LY6L: variants seen among roughly 807,000 people sequenced by gnomAD.
LY6L encodes lymphocyte antigen 6L.
Under a neutral mutation model 8.3 loss-of-function variants are expected in LY6L, and 8 were observed. That is an observed-to-expected ratio of 0.97 (90% CI 0.57 to 1.74). The LOEUF is 1.74. Among genes scored for constraint, LY6L ranks in the 40% most tolerant of loss-of-function variants. LY6L has a pLI of 0.00. For synonymous variants in LY6L, 79 were observed against 77.9 expected (o/e 1.01, Z -0.07); for missense variants, 156 against 183.8 (o/e 0.85, Z 0.87).
chr8:143,081,059 G>A lies in LY6L; in HGVS notation c.6G>A (p.Glu2=). The A allele has an allele frequency of 6.5e-7, 1 of 1,534,188 alleles. No homozygotes were observed. The highest frequency in any genetic ancestry group is 8.7e-7 in the Non-Finnish European group (1 of 1,145,768). Residue 2 remains glutamate (E), a synonymous_variant, in exon 2 of 4, where the codon GAG becomes GAA. Transcript: ENST00000562505. The part of the protein sequence containing the change: M[E]RLVLTLCTLP... ...AGGCTGAGCCTTCTGGCGTCATGGA[G>A]AGGCTCGTCCTAACCCTGTGCACCC...
Position 143,082,757 on chromosome 8 carries a change from C to A in LY6L, c.*106C>A. On this transcript the variant is annotated 3_prime_UTR_variant, in exon 4 of 4. Coordinates refer to ENST00000562505, the MANE Select transcript of LY6L (RefSeq NM_001368160.2). The stretch of plus-strand genomic sequence containing the variant: ...TTCCAGGACACTGGGGGGGGACCCT[C>A]CCTCTCTGAGGTGGTGGGGAGGGTG... 1 of 960,396 alleles carries A rather than the reference C, an allele frequency of 1.0e-6. No homozygotes were observed. Among genetic ancestry groups the A allele is most frequent in the South Asian group, 1.9e-5 (1 of 51,444 alleles). 59.5% of individuals were successfully genotyped at this position (960,396 alleles called of 1,614,324 possible). A position where few individuals can be genotyped will look rare whatever the true frequency, so the allele number is the denominator to read the frequency against.
At chr8:143,081,555 GACAA>G (rs1820432175) in intron 3 of LY6L, among the ~76,000 whole-genome samples, 1 of 152,214 alleles carries the variant, frequency 6.6e-6, no homozygotes, top group African/African-American at 2.4e-5. Flanking sequence ...CTGTCAGCAG[GACAA>G]AGGCTCTGAT....
rs755967563 is a variant in LY6L, at chr8:143,081,339, C to T, written c.190+12C>T. 22 of 1,472,396 alleles carry T rather than the reference C, an allele frequency of 1.5e-5. No individual in the cohort carries two copies. The highest frequency in any genetic ancestry group is 1.9e-5 in the Non-Finnish European group (21 of 1,100,554). 91.2% of individuals were successfully genotyped at this position (1,472,396 alleles called of 1,614,324 possible). On this transcript the variant is annotated intron_variant, in intron 3 of 3. Transcript: ENST00000562505. Reference sequence around the variant, plus strand: ...GGTCGTCTCTTTTAGTGAGTCCCCCCCGGGCAGAGGGCAGGTGCCAGGTGC... The same window carrying T: ...GGTCGTCTCTTTTAGTGAGTCCCCCTCGGGCAGAGGGCAGGTGCCAGGTGC...
In LY6L at chr8:143,081,066, G is replaced by A. The variant is rs532494134; in HGVS notation, c.13G>A (p.Val5Ile). The A allele has an allele frequency of 6.9e-4, 1,052 of 1,534,664 alleles. 7 individuals are homozygous for A. In the African/African-American group the frequency reaches 0.012, roughly 17 times the overall value. The change falls in exon 2 of 4, where the codon GTC becomes ATC. Residue 5 changes from valine (V) to isoleucine (I), a missense_variant. Coordinates refer to ENST00000562505, the MANE Select transcript of LY6L (RefSeq NM_001368160.2). ...GCCTTCTGGCGTCATGGAGAGGCTC[G>A]TCCTAACCCTGTGCACCCTCCCGCT... Reference protein sequence around the residue: MERLVLTLCTLPLAV... With the variant: MERLILTLCTLPLAV...
chr8:143,082,401 A>G (rs1316905094), intron 3 of LY6L, 24 bp from the exon 4 acceptor site: 1 of 1,505,880 alleles, frequency 6.6e-7, no homozygotes, highest in Non-Finnish European at 8.9e-7. Flanking sequence ...CTCTGGGGCC[A>G]CCTGCCTCTC....
Position 143,082,436 on chromosome 8 carries a change from C to A in LY6L, c.202C>A (p.Arg68Ser). The change falls in exon 4 of 4, where the codon CGC becomes AGC. Residue 68 changes from arginine (R) to serine (S), a missense_variant. Physicochemically the swap from Arg to Ser is moderately radical, Grantham distance 110. Coordinates refer to ENST00000562505, the MANE Select transcript of LY6L (RefSeq NM_001368160.2). The stretch of plus-strand genomic sequence containing the variant: ...CCTCTTTTCTGCAGAATGGAGTGTA[C>A]GCGTCCTGCTCAGCAAACGCTGTGC... Reference protein sequence around the residue: ...EVVVSFKWSVRVLLSKRCAPR... With the variant: ...EVVVSFKWSVSVLLSKRCAPR... 1 of 1,534,824 alleles carries A rather than the reference C, an allele frequency of 6.5e-7. No homozygotes were observed. Among genetic ancestry groups the A allele is most frequent in the Non-Finnish European group, 8.7e-7 (1 of 1,146,198 alleles).
chr8:143,083,182 G>A lies in LY6L; in HGVS notation c.*531G>A, dbSNP rs539928060. 6.7e-6 allele frequency among the ~76,000 whole-genome samples: 1 copy of A among 148,902 alleles called. No individual in the cohort carries two copies. The highest frequency in any genetic ancestry group is 2.5e-5 in the African/African-American group (1 of 39,698). On this transcript the variant is annotated 3_prime_UTR_variant, in exon 4 of 4. Transcript: ENST00000562505. ...GTGCCTCTGATGGGCAATGGGGAAG[G>A]ATGGTGCCTCCGGTGTTGGGTGATG...
rs1248996304 is a variant in LY6L at position 143,082,898 on chromosome 8, GTGGGTGATGGGAAGGACGGTGCCTCTGA to G, written c.*250_*277del. ...CCTGGGGAAGGACAGTGCCTCTGAT[GTGGGTGATGGGAAGGACGGTGCCTCTGA>G]TGTGGGTGATGGGAAGGACGGTGCC... On this transcript the variant is annotated 3_prime_UTR_variant, in exon 4 of 4. Transcript: ENST00000562505. 169 of 488,966 alleles carry G rather than the reference GTGGGTGATGGGAAGGACGGTGCCTCTGA, an allele frequency of 3.5e-4. No homozygotes were observed. The highest frequency in any genetic ancestry group is 6.3e-4 in the South Asian group (18 of 28,722). The allele number at this position is 488,966 out of a possible 1,614,324, so 30.3% of individuals were successfully genotyped here. A position where few individuals can be genotyped will look rare whatever the true frequency, so the allele number is the denominator to read the frequency against.
At chr8:143,081,904 AGTT>A (rs1236301779) in intron 3 of LY6L, among the ~76,000 whole-genome samples, 1 of 152,176 alleles carries the variant, frequency 6.6e-6, no homozygotes, top group Non-Finnish European at 1.5e-5. Flanking sequence ...TTTTCTCAAC[AGTT>A]TGGGTTTTGA....
Position 143,082,443 on chromosome 8 carries a change from T to G in LY6L, c.209T>G (p.Leu70Arg), listed in dbSNP as rs534084102. Residue 70 changes from leucine to arginine, a missense_variant, in exon 4 of 4, where the codon CTG (leucine) becomes CGG (arginine). Physicochemically the swap from Leu to Arg is moderately radical, Grantham distance 102 (BLOSUM62 -2). Transcript: ENST00000562505. ...TCTGCAGAATGGAGTGTACGCGTCC[T>G]GCTCAGCAAACGCTGTGCTCCCAGA... Reference protein sequence around the residue: ...VVSFKWSVRVLLSKRCAPRCP... With the variant: ...VVSFKWSVRVRLSKRCAPRCP... The G allele has an allele frequency of 3.3e-6, 5 of 1,535,352 alleles. No individual in the cohort carries two copies. In the African/African-American group the frequency reaches 6.8e-5, roughly 21 times the overall value.
At position 143,082,517 on chromosome 8, in the gene LY6L, CA is replaced by C. The variant is rs1820448793; in HGVS notation, c.285del (p.Gly96AlafsTer2). Reference protein sequence around the residue: ...KFEWSPAPMVQGVITRRCCSW... With the variant: ...KFEWSPAPMVXGVITRRCCSW... ...CGAATGGTCGCCGGCCCCCATGGTG[CA>C]AGGCGTGATCACCAGGCGCTGCTGT... On this transcript the variant is annotated frameshift_variant, in exon 4 of 4. Coordinates refer to ENST00000562505, the MANE Select transcript of LY6L (RefSeq NM_001368160.2). LOFTEE classifies it low-confidence loss of function (END_TRUNC). 4 of 1,535,486 alleles carry C rather than the reference CA, an allele frequency of 2.6e-6. No homozygotes were observed. The South Asian group carries it at 4.8e-5, about 18-fold the overall frequency.
chr8:143,081,365 C>A, intron 3 of LY6L, 38 bp downstream of exon 3: 1 of 1,322,078 alleles, frequency 7.6e-7, no homozygotes, highest in Non-Finnish European at 1.0e-6. Flanking sequence ...TGCCAGGTGC[C>A]GGGGAAGGGC....
At position 143,082,531 on chromosome 8, in the gene LY6L, C is replaced by A; in HGVS notation, c.297C>A (p.Thr99=). 3 of 1,535,476 alleles carry A rather than the reference C, an allele frequency of 2.0e-6. No homozygotes were observed. Among genetic ancestry groups the A allele is most frequent in the Non-Finnish European group, 2.6e-6 (3 of 1,146,698 alleles). ...SPAPMVQGVI[T]RRCCSWALCN... The stretch of plus-strand genomic sequence containing the variant: ...CCCCCATGGTGCAAGGCGTGATCAC[C>A]AGGCGCTGCTGTTCCTGGGCTCTCT... The change falls in exon 4 of 4, where the codon ACC becomes ACA. Residue 99 remains threonine, a synonymous_variant. Transcript: ENST00000562505.
In LY6L at chr8:143,082,572, C is replaced by A. The variant is rs530922178; in HGVS notation, c.338C>A (p.Thr113Asn). 7.9e-5 allele frequency: 121 copies of A among 1,534,614 alleles called. No homozygotes were observed. The highest frequency in any genetic ancestry group is 9.9e-5 in the Non-Finnish European group (113 of 1,146,086). The change falls in exon 4 of 4, where the codon ACC becomes AAC. Residue 113 changes from threonine to asparagine, a missense_variant. Thr to Asn is a moderately conservative substitution (Grantham distance 65, BLOSUM62 0). Coordinates refer to ENST00000562505, the MANE Select transcript of LY6L (RefSeq NM_001368160.2). The part of the protein sequence containing the change: ...CSWALCNRAL[T>N]PQEGRWALRG... ...TGGGCTCTCTGCAACAGGGCACTGA[C>A]CCCACAGGAGGGGCGCTGGGCCCTG...
rs970492779 is a variant in LY6L, at chr8:143,082,695, C to G, written c.*44C>G. ...CCCTCCTGGCCCTGCTGGCCCATCC[C>G]GTCTCCTGCCTCCAACTGCCATCCT... On this transcript the variant is annotated 3_prime_UTR_variant, in exon 4 of 4. Coordinates refer to ENST00000562505, the MANE Select transcript of LY6L (RefSeq NM_001368160.2). The G allele has an allele frequency of 2.2e-5, 30 of 1,377,062 alleles. No individual in the cohort carries two copies. The highest frequency in any genetic ancestry group is 2.8e-5 in the Non-Finnish European group (29 of 1,047,370). 85.3% of individuals were successfully genotyped at this position (1,377,062 alleles called of 1,614,324 possible).
Position 143,081,137 on chromosome 8 carries a change from GC to G in LY6L, c.73+14del, listed in dbSNP as rs759237255. 327 of 1,534,034 alleles carry G rather than the reference GC, an allele frequency of 2.1e-4. No homozygotes were observed. Among genetic ancestry groups the G allele is most frequent in the Non-Finnish European group, 2.7e-4 (312 of 1,145,908 alleles). On this transcript the variant is annotated intron_variant, in intron 2 of 3. Transcript: ENST00000562505. ...GCGCCACGACGCCAGGTAAGGCGCGGCCCGGGCTGGGCTGGGGGCGTCGGGG... is the reference window on the plus strand; with the variant it reads ...GCGCCACGACGCCAGGTAAGGCGCGGCCGGGCTGGGCTGGGGGCGTCGGGG...
rs1820455381 is a variant in LY6L at position 143,082,817 on chromosome 8, C to T, written c.*166C>T. ...CCATCCCGGATCTAGCCACCTCACT[C>T]CTCCCCACCGGGGGCCCCTTTGCTG... On this transcript the variant is annotated 3_prime_UTR_variant, in exon 4 of 4. Coordinates refer to ENST00000562505, the MANE Select transcript of LY6L (RefSeq NM_001368160.2). 3.4e-6 allele frequency: 2 copies of T among 594,836 alleles called. No homozygotes were observed. The highest frequency in any genetic ancestry group is 3.0e-5 in the East Asian group (1 of 33,228). The allele number at this position is 594,836 out of a possible 1,614,324, so 36.8% of individuals were successfully genotyped here. A position where few individuals can be genotyped will look rare whatever the true frequency, so the allele number is the denominator to read the frequency against.
At chr8:143,081,926 A>G (rs986845119) in intron 3 of LY6L, among the ~76,000 whole-genome samples, 16 of 152,210 alleles carry the variant, frequency 1.1e-4, no homozygotes, top group Non-Finnish European at 1.5e-5. Flanking sequence ...GATGCTGTGC[A>G]TCTCTTCAGG....
chr8:143,082,290 G>A (rs947804316), intron 3 of LY6L, 135 bp from the exon 4 acceptor site: 13 of 624,068 alleles, frequency 2.1e-5, no homozygotes, highest in African/African-American at 1.6e-4. Context: ...GGCTGTCCTC[G>A]CAGGGCCAGG....
Sources: allele counts gnomAD v4.1 joint callset (sites outside exome capture counted in the v4.1 genomes callset), GRCh38; gene constraint gnomAD v4.1.1; transcripts MANE v1.5; gene names NCBI Gene and HGNC (gene_info 2026-07-23, HGNC 2026-07-21).